The following DNAJC1 variants were observed in gnomAD, a reference collection of about 807,000 sequenced individuals.
DNAJC1 encodes the protein dnaJ homolog subfamily C member 1.
Under a neutral mutation model 76.6 loss-of-function variants are expected in DNAJC1, and 58 were observed. The ratio of observed to expected loss-of-function variants is 0.76; its 90% CI spans 0.61 to 0.94. The LOEUF is 0.94. Ranked by LOEUF, DNAJC1 falls within the 40% of genes least tolerant of loss-of-function variation. The pLI is 0.00. For synonymous variants in DNAJC1, 258 were observed against 267.9 expected, an observed-to-expected ratio of 0.96 and a Z score of 0.36; for missense variants, 689 against 677.3, an observed-to-expected ratio of 1.02 and a Z score of -0.19.
At chr10:21,884,481 TTCTGGAAAGCAGTCTAAA>T (rs1454275509) in intron 7 of DNAJC1, among the ~76,000 whole-genome samples, 2 of 152,152 alleles carry the variant, frequency 1.3e-5, no homozygotes, top group Non-Finnish European at 2.9e-5. Flanking sequence ...ATTAGAGCCT[TTCTGGAAAGCAGTCTAAA>T]CATATCCATT....
intron 7 of DNAJC1, among the ~76,000 whole-genome samples, chr10:21,892,149 A>G (rs1014099067): frequency 6.6e-6 from 1 of 152,108 alleles, no homozygotes; most frequent in Non-Finnish European, 1.5e-5. Context: ...AAAGTGATAC[A>G]AAGAAATATA....
At chr10:21,880,158 A>G (rs889811360) in intron 8 of DNAJC1, among the ~76,000 whole-genome samples, 1 of 152,208 alleles carries the variant, frequency 6.6e-6, no homozygotes, top group Non-Finnish European at 1.5e-5. Context: ...ATGGGATTGC[A>G]GCAATTCAGT....
intron 8 of DNAJC1, among the ~76,000 whole-genome samples, chr10:21,846,735 T>C (rs544038580): frequency 3.9e-4 from 60 of 152,254 alleles, no homozygotes; most frequent in African/African-American, 1.4e-3. Flanking sequence ...AGTATCAAAG[T>C]GTTTTACATT....
chr10:21,826,746 T>TGTGGAAAA (rs1835264116), intron 8 of DNAJC1, among the ~76,000 whole-genome samples: 1 of 152,240 alleles, frequency 6.6e-6, no homozygotes, highest in Non-Finnish European at 1.5e-5. Context: ...CACCACCATT[T>TGTGGAAAA]GTGGAAAAGA....
chr10:21,919,874 C>T lies in DNAJC1; in HGVS notation c.593G>A (p.Ser198Asn), dbSNP rs1435458823. The change falls in exon 5 of 12, where the codon AGT becomes AAT. Residue 198 changes from serine to asparagine, a missense_variant. By Grantham distance (46) the Ser-to-Asn change is conservative. Coordinates refer to ENST00000376980, the MANE Select transcript of DNAJC1 (RefSeq NM_022365.4). ...AGCACCGAGTTTTGATACATCCACA[C>T]TCTTGCTGCCAGTCTTTTTTTTCTT... ...REKKKKTGSKSVDVSKLGASE... is the reference protein window; with the variant it reads ...REKKKKTGSKNVDVSKLGASE... 1 of 1,609,324 alleles carries T rather than the reference C, an allele frequency of 6.2e-7. No homozygotes were observed. The highest frequency in any genetic ancestry group is 8.5e-7 in the Non-Finnish European group (1 of 1,178,714).
intron 8 of DNAJC1, among the ~76,000 whole-genome samples, chr10:21,810,792 A>G (rs543049182): frequency 6.6e-6 from 1 of 152,274 alleles, no homozygotes; most frequent in South Asian, 2.1e-4. Context: ...CTCCTGGTGG[A>G]TTACTTCAAC....
intron 8 of DNAJC1, among the ~76,000 whole-genome samples, chr10:21,839,578 A>G (rs1835535083): frequency 6.6e-6 from 1 of 152,232 alleles, no homozygotes; most frequent in African/African-American, 2.4e-5. Flanking sequence ...GAATAGACCA[A>G]TAACAGGCTC....
At chr10:21,903,657 G>A (rs1010385825) in intron 7 of DNAJC1, among the ~76,000 whole-genome samples, 1 of 152,094 alleles carries the variant, frequency 6.6e-6, no homozygotes, top group Non-Finnish European at 1.5e-5. Context: ...GAGATGAACA[G>A]TCTCTGTTCT....
At chr10:21,840,834 A>G (rs1242010791) in intron 8 of DNAJC1, among the ~76,000 whole-genome samples, 4 of 152,148 alleles carry the variant, frequency 2.6e-5, no homozygotes, top group East Asian at 1.9e-4. Flanking sequence ...GAGGCATCAC[A>G]CTACCTGACT....
chr10:21,938,162 A>G (rs928853517), intron 1 of DNAJC1, among the ~76,000 whole-genome samples: 2 of 152,096 alleles, frequency 1.3e-5, no homozygotes, highest in African/African-American at 4.8e-5. Flanking sequence ...AATCATAACT[A>G]TTTTTTCTAA....
At chr10:21,775,977 T>C (rs1834450554) in intron 9 of DNAJC1, among the ~76,000 whole-genome samples, 2 of 152,148 alleles carry the variant, frequency 1.3e-5, no homozygotes, top group Non-Finnish European at 2.9e-5. Context: ...CAGAAAACAC[T>C]TTCTAACTCC....
At chr10:21,822,324 A>G (rs1300121229) in intron 8 of DNAJC1, among the ~76,000 whole-genome samples, 2 of 152,138 alleles carry the variant, frequency 1.3e-5, no homozygotes, top group South Asian at 2.1e-4. Flanking sequence ...CTGTAATCCC[A>G]GCTACACAGG....
chr10:21,813,235 TATATATATAC>T, intron 8 of DNAJC1, among the ~76,000 whole-genome samples: 1 of 134,076 alleles, frequency 7.5e-6, no homozygotes, highest in South Asian at 2.4e-4. Context: ...TATATATATA[TATATATATAC>T]ACATACAGCT....
At chr10:21,834,821 C>A (rs531270714) in intron 8 of DNAJC1, among the ~76,000 whole-genome samples, 1 of 152,336 alleles carries the variant, frequency 6.6e-6, no homozygotes, top group East Asian at 1.9e-4. Flanking sequence ...GTAAACAAAG[C>A]AGCCAGGAAG....
intron 2 of DNAJC1, among the ~76,000 whole-genome samples, chr10:21,928,777 T>G (rs1837170120): frequency 1.3e-5 from 2 of 152,156 alleles, no homozygotes; most frequent in Non-Finnish European, 2.9e-5. Flanking sequence ...AAAGTAATAC[T>G]TATCTTAAAA....
intron 6 of DNAJC1, among the ~76,000 whole-genome samples, chr10:21,915,973 T>G (rs1490803748): frequency 6.6e-6 from 1 of 151,566 alleles, no homozygotes; most frequent in Non-Finnish European, 1.5e-5. Context: ...CAAGACCCTG[T>G]CTCTAAAAAA....
At chr10:21,789,348 C>T (rs934032985) in intron 9 of DNAJC1, among the ~76,000 whole-genome samples, 1 of 152,154 alleles carries the variant, frequency 6.6e-6, no homozygotes, top group Non-Finnish European at 1.5e-5. Context: ...TCCCAACTGG[C>T]ACTGTAAGAC....
intron 8 of DNAJC1, among the ~76,000 whole-genome samples, chr10:21,873,611 G>A (rs746518037): frequency 1.8e-4 from 28 of 152,132 alleles, no homozygotes; most frequent in African/African-American, 5.8e-4. Context: ...CAACAAATGC[G>A]AAAGGGAGTC....
chr10:22,003,553 C>G lies in DNAJC1; in HGVS notation c.-119G>C. On this transcript the variant is annotated 5_prime_UTR_variant, in exon 1 of 12. Coordinates refer to ENST00000376980, the MANE Select transcript of DNAJC1 (RefSeq NM_022365.4). The stretch of plus-strand genomic sequence containing the variant: ...TCAGTGAAAAGCGCGGGCAGGCGCA[C>G]CGGAGCGGCCCGCCAGGTGGCTGGC... 1 of 1,186,686 alleles carries G rather than the reference C, an allele frequency of 8.4e-7. No individual in the cohort carries two copies. Among genetic ancestry groups the G allele is most frequent in the Non-Finnish European group, 1.1e-6 (1 of 937,304 alleles). 73.5% of individuals were successfully genotyped at this position (1,186,686 alleles called of 1,614,324 possible).
Sources: allele counts gnomAD v4.1 joint callset (sites outside exome capture counted in the v4.1 genomes callset), GRCh38; gene constraint gnomAD v4.1.1; transcripts MANE v1.5; gene names NCBI Gene and HGNC (gene_info 2026-07-23, HGNC 2026-07-21).